The following PRRG1 variants were observed in gnomAD, a reference collection of about 807,000 sequenced individuals.
PRRG1 encodes proline rich and Gla domain 1.
PRRG1 carries 5 observed loss-of-function variants against 11.8 expected under a neutral mutation model. The observed-to-expected ratio is 0.42, with a 90% CI of 0.22 to 0.89. The LOEUF is 0.89. Among genes scored for constraint, PRRG1 ranks in the 40% least tolerant of loss-of-function variants. The pLI is 0.28. For missense variants in PRRG1, 155 were observed against 166.1 expected (o/e 0.93, Z 0.37); for synonymous variants, 66 against 60.4 (o/e 1.09, Z -0.43).
intron 1 of PRRG1, among the ~76,000 whole-genome samples, chrX:37,360,547 G>A (rs1457738007): frequency 8.9e-6 from 1 of 112,035 alleles, no homozygotes; most frequent in African/African-American, 3.2e-5. Flanking sequence ...TTTTACATTT[G>A]TTAAGATATG....
At chrX:37,398,950 G>T (rs1432468204) in intron 1 of PRRG1, among the ~76,000 whole-genome samples, 1 of 111,073 alleles carries the variant, frequency 9.0e-6, no homozygotes, top group Admixed American at 9.5e-5. Context: ...AAAAAGAAAC[G>T]AACAAAGCCT....
chrX:37,367,689 C>G (rs1038982559), intron 1 of PRRG1, among the ~76,000 whole-genome samples: 12 of 111,941 alleles, frequency 1.1e-4, no homozygotes, highest in Non-Finnish European at 2.3e-4. Flanking sequence ...GTTTCTAAGT[C>G]TTGGTTATTG....
chrX:37,366,242 A>T (rs1930567235), intron 1 of PRRG1, among the ~76,000 whole-genome samples: 1 of 112,042 alleles, frequency 8.9e-6, no homozygotes, highest in Non-Finnish European at 1.9e-5. Flanking sequence ...CAAGGAAGAT[A>T]ACAAGCCTGG....
intron 1 of PRRG1, among the ~76,000 whole-genome samples, chrX:37,395,530 G>A (rs6611272): frequency 1.8e-4 from 20 of 108,117 alleles, no homozygotes; most frequent in Non-Finnish European, 3.1e-4. Context: ...CAGGAGAATC[G>A]CTTGAACCCG....
chrX:37,426,867 A>T (rs1458879235), intron 3 of PRRG1, among the ~76,000 whole-genome samples: 4 of 112,051 alleles, frequency 3.6e-5, no homozygotes, highest in African/African-American at 1.3e-4. Context: ...TTTACTTTTT[A>T]AAAATAGTAT....
At chrX:37,358,966 T>C (rs1224978640) in intron 1 of PRRG1, among the ~76,000 whole-genome samples, 1 of 112,251 alleles carries the variant, frequency 8.9e-6, no homozygotes, top group Non-Finnish European at 1.9e-5. Context: ...TTTTATTTAT[T>C]AACCTTGTAT....
intron 1 of PRRG1, among the ~76,000 whole-genome samples, chrX:37,400,434 C>G (rs1183335347): frequency 1.2e-4 from 13 of 110,725 alleles, no homozygotes; most frequent in Non-Finnish European, 2.3e-4. Context: ...TTGAAACCAA[C>G]GAGAACAAAG....
chrX:37,401,321 TG>T (rs1177508256), intron 1 of PRRG1, among the ~76,000 whole-genome samples: 3 of 111,184 alleles, frequency 2.7e-5, no homozygotes, highest in Admixed American at 9.5e-5. Flanking sequence ...GATGCAAGGC[TG>T]GTTCAATATA....
intron 1 of PRRG1, among the ~76,000 whole-genome samples, chrX:37,350,891 A>G (rs1466926692): frequency 9.1e-6 from 1 of 109,344 alleles, no homozygotes; most frequent in Non-Finnish European, 1.9e-5. Context: ...TTCTTTTTCT[A>G]TTTTCCCAAA....
chrX:37,411,848 A>G (rs1426049395), intron 2 of PRRG1, among the ~76,000 whole-genome samples: 1 of 112,123 alleles, frequency 8.9e-6, no homozygotes, highest in Admixed American at 9.5e-5. Flanking sequence ...GCTTTGTTAT[A>G]TACAAAGCAA....
At chrX:37,438,117 CAGG>C (rs1185509106) in intron 3 of PRRG1, among the ~76,000 whole-genome samples, 2 of 110,375 alleles carry the variant, frequency 1.8e-5, no homozygotes. Context: ...GAGGGGGAAG[CAGG>C]AGAATCACTT....
chrX:37,435,179 G>T (rs1932871667), intron 3 of PRRG1, among the ~76,000 whole-genome samples: 1 of 111,427 alleles, frequency 9.0e-6, no homozygotes, highest in Admixed American at 9.6e-5. Flanking sequence ...ATAATCCAAA[G>T]AATGGGAGCA....
At chrX:37,440,912 A>G (rs1556393445) in intron 3 of PRRG1, 2 of 505,014 alleles carry the variant, frequency 4.0e-6, no homozygotes, top group South Asian at 5.9e-5. Flanking sequence ...CCACAGGTGC[A>G]TGCCACCATG....
intron 2 of PRRG1, among the ~76,000 whole-genome samples, chrX:37,415,547 A>G (rs1556384983): frequency 1.8e-5 from 2 of 112,489 alleles, no homozygotes; most frequent in Admixed American, 1.9e-4. Context: ...CAATAGGAAG[A>G]GTTTATTGAA....
At chrX:37,369,795 G>A (rs1371969781) in intron 1 of PRRG1, among the ~76,000 whole-genome samples, 2 of 111,401 alleles carry the variant, frequency 1.8e-5, no homozygotes, top group Non-Finnish European at 3.8e-5. Context: ...TCCTGATAGT[G>A]AATAAGTCTC....
chrX:37,369,386 A>G (rs988630302), intron 1 of PRRG1, among the ~76,000 whole-genome samples: 1 of 112,058 alleles, frequency 8.9e-6, no homozygotes, highest in African/African-American at 3.2e-5. Context: ...TAAAAATTTA[A>G]TTGATGAAAA....
intron 2 of PRRG1, among the ~76,000 whole-genome samples, chrX:37,419,194 T>C (rs1350747160): frequency 8.9e-6 from 1 of 112,363 alleles, no homozygotes; most frequent in Non-Finnish European, 1.9e-5. Flanking sequence ...TACTTGTGAT[T>C]ATCTAAACAT....
intron 3 of PRRG1, chrX:37,442,247 G>A: frequency 2.7e-6 from 2 of 747,778 alleles, no homozygotes; most frequent in Non-Finnish European, 3.2e-6. Context: ...GTTGATGCGT[G>A]CCTACAACAC....
chrX:37,354,052 A>G (rs942248354), intron 1 of PRRG1, among the ~76,000 whole-genome samples: 10 of 112,450 alleles, frequency 8.9e-5, no homozygotes, highest in Middle Eastern at 4.6e-3. Context: ...CCAGTTCTGT[A>G]TTTGTAGATA....
Sources: allele counts gnomAD v4.1 joint callset (sites outside exome capture counted in the v4.1 genomes callset), GRCh38; gene constraint gnomAD v4.1.1; transcripts MANE v1.5; gene names NCBI Gene and HGNC (gene_info 2026-07-23, HGNC 2026-07-21).